Variants in DNAH6 observed in about 807,000 individuals in gnomAD.
DNAH6 encodes the protein dynein axonemal heavy chain 6, also known as axonemal beta dynein heavy chain 6.
Under a neutral mutation model 491.4 loss-of-function variants are expected in DNAH6, and 340 were observed. That is an observed-to-expected ratio of 0.69 (90% CI 0.63 to 0.76). DNAH6 has a LOEUF of 0.76. Among genes scored for constraint, DNAH6 ranks in the 30% least tolerant of loss-of-function variants. The probability of loss-of-function intolerance (pLI) is 0.00; values close to 1 mark genes in which losing one functional copy is unlikely to be tolerated. For missense variants in DNAH6, 4,443 were observed against 4,972.2 expected (o/e 0.89, Z 3.20); for synonymous variants, 1,603 against 1,686.1 (o/e 0.95, Z 1.21).
At chr2:84,525,266 G>A (rs1158412946) in intron 2 of DNAH6, among the ~76,000 whole-genome samples, 1 of 152,020 alleles carries the variant, frequency 6.6e-6, no homozygotes, top group Non-Finnish European at 1.5e-5. Context: ...GTTTGTAATG[G>A]ATAATTAGGG....
At chr2:84,791,898 A>G (rs1342857506) in intron 68 of DNAH6, among the ~76,000 whole-genome samples, 1 of 151,674 alleles carries the variant, frequency 6.6e-6, no homozygotes, top group Non-Finnish European at 1.5e-5. Context: ...GCTGGATATC[A>G]AAGATGACAT....
intron 11 of DNAH6, 126 bp from the exon 12 acceptor site, chr2:84,573,341 C>T: frequency 2.9e-6 from 2 of 687,560 alleles, no homozygotes; most frequent in Non-Finnish European, 2.3e-6. Flanking sequence ...TTCATGTTTC[C>T]CAAATCAAAA....
At chr2:84,662,565 A>G (rs6547576) in intron 37 of DNAH6, among the ~76,000 whole-genome samples, 145,078 of 152,120 alleles carry the variant, frequency 0.95, 69,225 homozygotes, top group East Asian at 1. Flanking sequence ...AGGGGTGCCC[A>G]CCATTGCTGA....
At chr2:84,780,779 C>CT (rs200241189) in intron 64 of DNAH6, among the ~76,000 whole-genome samples, 10,956 of 140,558 alleles carry the variant, frequency 0.078, 668 homozygotes, top group African/African-American at 0.19. Context: ...TTCGTTGAGG[C>CT]TTTTTTTTTT....
the DNAH6 span, among the ~76,000 whole-genome samples, chr2:84,466,050 T>C: frequency 2.0e-5 from 3 of 152,224 alleles, no homozygotes; most frequent in Non-Finnish European, 4.4e-5. Flanking sequence ...CATAGGTTTT[T>C]ATCCTCAAAT....
Position 84,697,585 on chromosome 2 carries a change from A to C in DNAH6, c.7535A>C (p.Glu2512Ala), listed in dbSNP as rs1189165764. The change falls in exon 47 of 77, where the codon GAG becomes GCG. Residue 2512 changes from glutamate to alanine, a missense_variant. This residue lies in a region of DNAH6 where 2,977 missense variants were observed against 3,296.6 expected (regional missense o/e 0.90). Coordinates refer to ENST00000389394, the MANE Select transcript of DNAH6 (RefSeq NM_001370.2). ...FLFTDTQIVV[E>A]EFLEDINNIL... The stretch of plus-strand genomic sequence containing the variant: ...TGCTTTCTTCTACAGATTGTAGTGG[A>C]GGAGTTCCTAGAAGATATAAATAAC... The C allele has an allele frequency of 6.4e-7, 1 of 1,551,512 alleles. No individual in the cohort carries two copies. Among genetic ancestry groups the C allele is most frequent in the Non-Finnish European group, 8.7e-7 (1 of 1,146,848 alleles).
At position 84,658,420 on chromosome 2, in the gene DNAH6, C is replaced by G; in HGVS notation, c.5886C>G (p.Leu1962=). ...PQVDISKVTT[L]CCLLESLILG... ...TGGACATCAGCAAAGTTACTACACT[C>G]TGTTGCTTATTGGAGTCCTTGATAC... Residue 1962 remains leucine (L), a synonymous_variant, in exon 36 of 77, where the codon CTC becomes CTG. Transcript: ENST00000389394. 1.3e-6 allele frequency: 2 copies of G among 1,546,314 alleles called. No homozygotes were observed. Among genetic ancestry groups the G allele is most frequent in the South Asian group, 1.2e-5 (1 of 82,980 alleles).
rs1281797153 is a variant in DNAH6, at chr2:84,640,833, A to G, written c.4970+255A>G. Reference sequence around the variant, plus strand: ...GATCCCCAGCTAGGCTTAGGATAATATTCACTTCTCCTGAACTCAAATTCA... The same window carrying G: ...GATCCCCAGCTAGGCTTAGGATAATGTTCACTTCTCCTGAACTCAAATTCA... On this transcript the variant is annotated intron_variant, in intron 32 of 76. Coordinates refer to ENST00000389394, the MANE Select transcript of DNAH6 (RefSeq NM_001370.2). Among the ~76,000 whole-genome samples, 5 of 152,320 alleles carry G rather than the reference A, an allele frequency of 3.3e-5. No individual in the cohort carries two copies. The East Asian group carries it at 9.6e-4, about 29-fold the overall frequency.
At position 84,697,591 on chromosome 2, in the gene DNAH6, T is replaced by A. The variant is rs948600034; in HGVS notation, c.7541T>A (p.Phe2514Tyr). The A allele has an allele frequency of 6.4e-7, 1 of 1,551,780 alleles. No individual in the cohort carries two copies. Among genetic ancestry groups the A allele is most frequent in the African/African-American group, 1.4e-5 (1 of 73,036 alleles). ...FTDTQIVVEE[F>Y]LEDINNILNS... Reference sequence around the variant, plus strand: ...CTTCTACAGATTGTAGTGGAGGAGTTCCTAGAAGATATAAATAACATCCTG... The same window carrying A: ...CTTCTACAGATTGTAGTGGAGGAGTACCTAGAAGATATAAATAACATCCTG... Residue 2514 changes from phenylalanine (F) to tyrosine (Y), a missense_variant, in exon 47 of 77, where the codon TTC (phenylalanine) becomes TAC (tyrosine). By Grantham distance (22) the Phe-to-Tyr change is conservative (BLOSUM62 3). Coordinates refer to ENST00000389394, the MANE Select transcript of DNAH6 (RefSeq NM_001370.2).
intron 9 of DNAH6, 37 bp downstream of exon 9, chr2:84,550,094 A>G: frequency 6.4e-7 from 1 of 1,552,528 alleles, no homozygotes; most frequent in Middle Eastern, 1.7e-4. Context: ...TTTATTGGTC[A>G]GCATTTATTG....
intron 10 of DNAH6, among the ~76,000 whole-genome samples, chr2:84,554,607 A>G (rs549649617): frequency 1.3e-5 from 2 of 152,352 alleles, no homozygotes; most frequent in South Asian, 4.1e-4. Context: ...TTATATGATG[A>G]GAAGGCATAT....
chr2:84,508,200 A>G, the DNAH6 span, among the ~76,000 whole-genome samples: 18 of 152,038 alleles, frequency 1.2e-4, no homozygotes, highest in African/African-American at 4.4e-4. Flanking sequence ...CTGGTCCTGG[A>G]CTTTTTTTGG....
rs1273795163 is a variant in DNAH6 at position 84,642,010 on chromosome 2, C to G, written c.5034C>G (p.Asp1678Glu). Residue 1678 changes from aspartate (D) to glutamate (E), a missense_variant, in exon 33 of 77, where the codon GAC (aspartate) becomes GAG (glutamate). Transcript: ENST00000389394. Reference sequence around the variant, plus strand: ...TGGTGTTGATAAGAGCTTTACAAGACTCCAATTTGCCAAAATTTCTAACAG... The same window carrying G: ...TGGTGTTGATAAGAGCTTTACAAGAGTCCAATTTGCCAAAATTTCTAACAG... ...EDVVLIRALQ[D>E]SNLPKFLTDD... 1 of 1,551,016 alleles carries G rather than the reference C, an allele frequency of 6.4e-7. No homozygotes were observed. The highest frequency in any genetic ancestry group is 1.2e-5 in the South Asian group (1 of 84,036).
Position 84,762,837 on chromosome 2 carries a change from TG to T in DNAH6, c.10596del (p.Tyr3533IlefsTer14). The T allele has an allele frequency of 6.4e-7, 1 of 1,551,144 alleles. No individual in the cohort carries two copies. Among genetic ancestry groups the T allele is most frequent in the Non-Finnish European group, 8.7e-7 (1 of 1,146,526 alleles). ...ACACCACCTGTGGACCTGCCTACCC[TG>T]TATCAAGACATGTCATGCAACACTC... ...IETPPVDLPT[L>X]YQDMSCNTPL... On this transcript the variant is annotated frameshift_variant, in exon 64 of 77. Coordinates refer to ENST00000389394, the MANE Select transcript of DNAH6 (RefSeq NM_001370.2). LOFTEE classifies it high-confidence loss of function.
At chr2:84,590,570 C>A (rs1395942288) in intron 16 of DNAH6, among the ~76,000 whole-genome samples, 1 of 151,880 alleles carries the variant, frequency 6.6e-6, no homozygotes, top group East Asian at 1.9e-4. Flanking sequence ...ATCTTTGGTC[C>A]TGTCAGCAAG....
chr2:84,551,302 C>T (rs866099367), intron 9 of DNAH6, among the ~76,000 whole-genome samples: 1 of 151,994 alleles, frequency 6.6e-6, no homozygotes, highest in Admixed American at 6.6e-5. Context: ...TTTTTCTATT[C>T]TAAAAGTAAT....
intron 1 of DNAH6, 74 bp downstream of exon 1, chr2:84,516,657 A>G (rs1196037643): frequency 1.3e-5 from 2 of 152,244 alleles, no homozygotes; most frequent in Admixed American, 1.3e-4. Context: ...CTTTCGGAGA[A>G]CATAAAGGCT....
intron 4 of DNAH6, among the ~76,000 whole-genome samples, chr2:84,533,136 G>A (rs757041238): frequency 1.3e-5 from 2 of 152,082 alleles, no homozygotes; most frequent in African/African-American, 4.8e-5. Flanking sequence ...TTAGCTGTGT[G>A]TGCAGCAAGA....
intron 73 of DNAH6, 119 bp from the exon 74 acceptor site, chr2:84,812,939 C>G (rs773472312): frequency 3.1e-5 from 24 of 779,308 alleles, no homozygotes; most frequent in Non-Finnish European, 5.0e-5. Flanking sequence ...GGGGTGGTGA[C>G]TAACTCAGGG....
Sources: gnomAD v4.1 joint callset for allele counts (sites outside exome capture counted in the v4.1 genomes callset) on GRCh38, gnomAD v4.1.1 for gene constraint, gnomAD v4.1.1 regional missense constraint, MANE v1.5 for transcripts, NCBI Gene and HGNC (gene_info 2026-07-23, HGNC 2026-07-21) for gene names.